The following PLEKHA6 variants were observed in gnomAD, a reference collection of about 807,000 sequenced individuals.
PLEKHA6 encodes pleckstrin homology domain-containing family A member 6.
Under a neutral mutation model 116.7 loss-of-function variants are expected in PLEKHA6, and 60 were observed. The ratio of observed to expected loss-of-function variants is 0.51; its 90% CI spans 0.42 to 0.64. The LOEUF (loss-of-function observed/expected upper bound fraction) is 0.64. Among genes scored for constraint, PLEKHA6 ranks in the 30% least tolerant of loss-of-function variants. PLEKHA6 has a pLI of 0.00. For missense variants in PLEKHA6, 1,338 were observed against 1,422.7 expected, an observed-to-expected ratio of 0.94 and a Z score of 0.96; for synonymous variants, 489 against 556.1, an observed-to-expected ratio of 0.88 and a Z score of 1.70.
intron 1 of PLEKHA6, among the ~76,000 whole-genome samples, chr1:204,291,008 CATT>C (rs1366490402): frequency 2.2e-5 from 3 of 134,316 alleles, no homozygotes; most frequent in Admixed American, 7.6e-5. Context: ...AAAAAAAAGA[CATT>C]GTTACGAAAA....
chr1:204,335,466 C>T (rs951459052), intron 1 of PLEKHA6, among the ~76,000 whole-genome samples: 2 of 152,104 alleles, frequency 1.3e-5, no homozygotes, highest in African/African-American at 4.8e-5. Flanking sequence ...GGCTGCACTT[C>T]AGGGCTAGAG....
chr1:204,328,863 C>G (rs892825819), intron 1 of PLEKHA6, among the ~76,000 whole-genome samples: 10 of 152,210 alleles, frequency 6.6e-5, no homozygotes, highest in Non-Finnish European at 1.5e-4. Context: ...TATCATCTCA[C>G]TTAATATTCA....
In PLEKHA6 at chr1:204,257,252, GT is replaced by G. The variant is rs1665432062; in HGVS notation, c.1524+100del. On this transcript the variant is annotated intron_variant, in intron 9 of 22. Transcript: ENST00000272203. This position sits in a 1 kb window ranked among gnomAD's most constrained non-coding sequence, Gnocchi z 6.5. ...TGCAGACAAACGGCCCAGTGGCCCCGTGGCACAGATGCTCCCACATCTCTGC... is the reference window on the plus strand; with the variant it reads ...TGCAGACAAACGGCCCAGTGGCCCCGGGCACAGATGCTCCCACATCTCTGC... The G allele has an allele frequency of 8.5e-7, 1 of 1,170,076 alleles. No individual in the cohort carries two copies. The highest frequency in any genetic ancestry group is 2.1e-5 in the Admixed American group (1 of 48,308). The allele number at this position is 1,170,076 out of a possible 1,614,324, so 72.5% of individuals were successfully genotyped here. A position where few individuals can be genotyped will look rare whatever the true frequency, so the allele number is the denominator to read the frequency against.
chr1:204,345,865 C>T (rs1673023495), intron 1 of PLEKHA6, among the ~76,000 whole-genome samples: 1 of 152,134 alleles, frequency 6.6e-6, no homozygotes. Flanking sequence ...AATCAGCTCA[C>T]CCAACTTCCC....
At chr1:204,349,805 T>C (rs2103357877) in intron 1 of PLEKHA6, among the ~76,000 whole-genome samples, 1 of 152,302 alleles carries the variant, frequency 6.6e-6, no homozygotes, top group African/African-American at 2.4e-5. Context: ...TATACATACC[T>C]GAAGAGCCTT....
chr1:204,345,959 G>A (rs1053881616), intron 1 of PLEKHA6, among the ~76,000 whole-genome samples: 1 of 152,252 alleles, frequency 6.6e-6, no homozygotes, highest in Admixed American at 6.5e-5. Context: ...AGAAAGGTGT[G>A]GAGAGGAGTA....
At position 204,247,442 on chromosome 1, in the gene PLEKHA6, T is replaced by C; in HGVS notation, c.1843A>G (p.Ile615Val). Residue 615 changes from isoleucine (I) to valine (V), a missense_variant, in exon 13 of 23, where the codon ATA becomes GTA. Physicochemically the swap from Ile to Val is conservative, Grantham distance 29 (BLOSUM62 3). Coordinates refer to ENST00000272203, the MANE Select transcript of PLEKHA6 (RefSeq NM_014935.5). ...QATTALTNST[I>V]EYEHLESEVS... ...TCAGACTCGAGGTGCTCATACTCTA[T>C]GGTGCTGTTTGTCAGGGCCTACGGG... 6.2e-7 allele frequency: 1 copy of C among 1,612,244 alleles called. No homozygotes were observed. The highest frequency in any genetic ancestry group is 8.5e-7 in the Non-Finnish European group (1 of 1,178,586).
intron 1 of PLEKHA6, among the ~76,000 whole-genome samples, chr1:204,330,063 T>C (rs910366329): frequency 1.3e-5 from 2 of 152,190 alleles, no homozygotes; most frequent in South Asian, 2.1e-4. Flanking sequence ...CAGGGAAATA[T>C]AAACAGTAAC....
At chr1:204,273,874 G>C in intron 2 of PLEKHA6, 134 bp from the exon 3 acceptor site, 2 of 653,016 alleles carry the variant, frequency 3.1e-6, no homozygotes, top group Middle Eastern at 2.5e-4. Flanking sequence ...GTGCCATTGA[G>C]GGGTCACCTC....
intron 1 of PLEKHA6, among the ~76,000 whole-genome samples, chr1:204,285,160 T>C (rs4245726): frequency 0.37 from 55,802 of 152,082 alleles, 10,423 homozygotes; most frequent in East Asian, 0.52. Flanking sequence ...TAGAACATTC[T>C]ATTGGACAGC....
intron 1 of PLEKHA6, among the ~76,000 whole-genome samples, chr1:204,322,495 AG>A (rs1474657330): frequency 6.6e-6 from 1 of 152,238 alleles, no homozygotes; most frequent in Admixed American, 6.5e-5. Context: ...GTCGCACAGC[AG>A]GCTGCTGCCA....
Position 204,269,447 on chromosome 1 carries a change from T to TTA in PLEKHA6, c.103-1136_103-1135insTA, listed in dbSNP as rs553989912. 2.9e-3 allele frequency among the ~76,000 whole-genome samples: 408 copies of TTA among 140,512 alleles called. 2 individuals are homozygous for TTA. Among genetic ancestry groups the TTA allele is most frequent in the African/African-American group, 0.01 (392 of 37,774 alleles). 92.2% of individuals were successfully genotyped at this position (140,512 alleles called of 152,430 possible). A position where few individuals can be genotyped will look rare whatever the true frequency, so the allele number is the denominator to read the frequency against. The stretch of plus-strand genomic sequence containing the variant: ...GCCAGATTATGGTGCTGCTGGAGAA[T>TTA]AAAAAAAAAAAATCACACTGCCATA... On this transcript the variant is annotated intron_variant, in intron 3 of 22. Transcript: ENST00000272203.
upstream of PLEKHA6, among the ~76,000 whole-genome samples, chr1:204,363,024 T>C (rs981807991): frequency 3.9e-5 from 6 of 152,250 alleles, no homozygotes; most frequent in African/African-American, 1.4e-4. Context: ...TGGGGTGTTA[T>C]CTGCCTTTCT....
intron 1 of PLEKHA6, among the ~76,000 whole-genome samples, chr1:204,296,586 C>T (rs1156569589): frequency 6.6e-6 from 1 of 152,224 alleles, no homozygotes; most frequent in Non-Finnish European, 1.5e-5. Flanking sequence ...CACAGCTCCC[C>T]CCAGCTGCCT....
At chr1:204,372,074 G>A (rs1315685923) in intron 1 of PLEKHA6, among the ~76,000 whole-genome samples, 2 of 152,220 alleles carry the variant, frequency 1.3e-5, no homozygotes, top group African/African-American at 4.8e-5. Context: ...GAATGGATAA[G>A]AAAAGGAGGA....
intron 1 of PLEKHA6, chr1:204,301,315 G>A: frequency 1.1e-6 from 1 of 951,844 alleles, no homozygotes; most frequent in Non-Finnish European, 1.3e-6. Context: ...CTGGGTTCCT[G>A]CAGCCTGGAG....
Position 204,273,741 on chromosome 1 carries a change from C to T in PLEKHA6, c.-13-1G>A. On this transcript the variant is annotated splice_acceptor_variant, in intron 2 of 22. Coordinates refer to ENST00000272203, the MANE Select transcript of PLEKHA6 (RefSeq NM_014935.5). LOFTEE classifies it low-confidence loss of function (5UTR_SPLICE). ...TTTATTGGACATGTCCAAGGTCGATCTGATTTCAAGTCGACCAGAGAAAAG... is the reference window on the plus strand; with the variant it reads ...TTTATTGGACATGTCCAAGGTCGATTTGATTTCAAGTCGACCAGAGAAAAG... The T allele has an allele frequency of 6.2e-7, 1 of 1,601,276 alleles. No individual in the cohort carries two copies. The highest frequency in any genetic ancestry group is 8.6e-7 in the Non-Finnish European group (1 of 1,168,290).
At chr1:204,299,022 C>T (rs919357120) in intron 1 of PLEKHA6, among the ~76,000 whole-genome samples, 1 of 152,220 alleles carries the variant, frequency 6.6e-6, no homozygotes, top group African/African-American at 2.4e-5. Flanking sequence ...CTTCTTGCTT[C>T]TAGTCCATTC....
intron 2 of PLEKHA6, among the ~76,000 whole-genome samples, chr1:204,370,118 T>C (rs1673745899): frequency 6.6e-6 from 1 of 152,232 alleles, no homozygotes; most frequent in South Asian, 2.1e-4. Flanking sequence ...ATGTATGCCT[T>C]TAACCATGAC....
Sources: gnomAD v4.1 joint callset for allele counts (sites outside exome capture counted in the v4.1 genomes callset) on GRCh38, gnomAD v4.1.1 for gene constraint, Gnocchi (gnomAD v3.1) non-coding constraint, MANE v1.5 for transcripts, NCBI Gene and HGNC (gene_info 2026-07-23, HGNC 2026-07-21) for gene names.